RPP40: variants seen among roughly 807,000 people sequenced by gnomAD.
The protein encoded by RPP40 is ribonuclease P/MRP subunit p40.
A neutral mutation model predicts 42.5 loss-of-function variants in RPP40; 30 were observed. That is an observed-to-expected ratio of 0.71 (90% confidence interval 0.53 to 0.96). The LOEUF (loss-of-function observed/expected upper bound fraction) is 0.96. Among genes scored for constraint, RPP40 ranks in the 40% least tolerant of loss-of-function variants. RPP40 has a pLI of 0.00. For missense variants in RPP40, 426 were observed against 433.5 expected, an observed-to-expected ratio of 0.98 and a Z score of 0.15; for synonymous variants, 173 against 164.0, an observed-to-expected ratio of 1.05 and a Z score of -0.42.
At chr6:4,996,133 T>C (rs2127540163) in intron 6 of RPP40, 48 bp from the exon 7 acceptor site, 1 of 1,606,510 alleles carries the variant, frequency 6.2e-7, no homozygotes, top group African/African-American at 1.3e-5. Context: ...TGTATATCCA[T>C]CACATGATCA....
At chr6:4,996,137 A>G in intron 6 of RPP40, 52 bp from the exon 7 acceptor site, 1 of 1,609,282 alleles carries the variant, frequency 6.2e-7, no homozygotes, top group South Asian at 1.1e-5. Flanking sequence ...TATCCATCAC[A>G]TGATCACTTC....
downstream of RPP40, among the ~76,000 whole-genome samples, chr6:4,992,052 A>G (rs1467344358): frequency 3.3e-5 from 5 of 152,332 alleles, no homozygotes; most frequent in Admixed American, 2.0e-4. Flanking sequence ...ACGTGAGCCA[A>G]TTAGGCCAGG....
the RPP40 span, among the ~76,000 whole-genome samples, chr6:4,988,943 C>T: frequency 3.9e-5 from 6 of 152,062 alleles, no homozygotes; most frequent in African/African-American, 9.7e-5. Flanking sequence ...CAGTAATATA[C>T]GGGAGATAAA....
chr6:4,997,444 G>A (rs183300072), intron 5 of RPP40, among the ~76,000 whole-genome samples: 2 of 152,200 alleles, frequency 1.3e-5, no homozygotes, highest in African/African-American at 4.8e-5. Context: ...TGGACTCTGG[G>A]GCTTGCACCA....
At chr6:4,993,320 A>C (rs891570948), downstream of RPP40, among the ~76,000 whole-genome samples, 2 of 152,172 alleles carry the variant, frequency 1.3e-5, no homozygotes, top group Admixed American at 1.3e-4. Context: ...CAACCAGTGG[A>C]ATTTGCAATT....
Position 4,995,215 on chromosome 6 carries a change from C to T in RPP40, c.955G>A (p.Asp319Asn), listed in dbSNP as rs1201665855. ...WVTLSVQGFADSPVSWEKNEH... is the reference protein window; with the variant it reads ...WVTLSVQGFANSPVSWEKNEH... ...TTTTTTTCCCAAGAAACAGGGCTGT[C>T]TGCAAAGCCTTGAACGGACAGTGTA... The change falls in exon 8 of 8, where the codon GAC becomes AAC. Residue 319 changes from aspartate to asparagine, a missense_variant. By Grantham distance (23) the Asp-to-Asn change is conservative. Coordinates refer to ENST00000380051, the MANE Select transcript of RPP40 (RefSeq NM_006638.4). 1.2e-6 allele frequency: 2 copies of T among 1,614,002 alleles called. No individual in the cohort carries two copies. The highest frequency in any genetic ancestry group is 3.3e-5 in the Admixed American group (2 of 59,998).
chr6:4,999,447 C>T (rs867689460), intron 4 of RPP40, among the ~76,000 whole-genome samples: 4 of 151,874 alleles, frequency 2.6e-5, no homozygotes, highest in South Asian at 2.1e-4. Flanking sequence ...TACAGGCATG[C>T]GCCACCACGC....
rs780553257 is a variant in RPP40 at position 4,996,022 on chromosome 6, TG to T, written c.821del (p.Ala274GlufsTer33). ...YCCPEPSTVVAKAYLCTITGF... is the reference protein window; with the variant it reads ...YCCPEPSTVVXKAYLCTITGF... ...CAGTGATTGTACACAAATAAGCTTT[TG>T]CCACCACTGTGCTTGGCTCAGGACA... is the stretch of plus-strand genomic sequence containing the variant. On this transcript the variant is annotated frameshift_variant, in exon 7 of 8. Coordinates refer to ENST00000380051, the MANE Select transcript of RPP40 (RefSeq NM_006638.4). LOFTEE classifies it high-confidence loss of function. The T allele has an allele frequency of 2.5e-6, 4 of 1,614,016 alleles. No homozygotes were observed. The African/African-American group carries it at 5.3e-5, about 22-fold the overall frequency.
intron 1 of RPP40, 135 bp downstream of exon 1, chr6:5,003,745 A>G: frequency 8.5e-7 from 1 of 1,174,004 alleles, no homozygotes. Context: ...TACAACTCCC[A>G]GCAAGCCGGG....
intron 5 of RPP40, among the ~76,000 whole-genome samples, 171 bp from the exon 6 acceptor site, chr6:4,996,591 G>A (rs144434440): frequency 1.3e-5 from 2 of 152,298 alleles, no homozygotes; most frequent in African/African-American, 4.8e-5. Flanking sequence ...AGCTCCTTTT[G>A]CTCAAGTTCT....
chr6:5,003,833 C>A, intron 1 of RPP40, 47 bp downstream of exon 1: 1 of 1,581,052 alleles, frequency 6.3e-7, no homozygotes. Flanking sequence ...CTCTCTCGCA[C>A]GCGGGGACTG....
chr6:4,996,795 A>C (rs1373883562), intron 5 of RPP40, among the ~76,000 whole-genome samples: 1 of 152,234 alleles, frequency 6.6e-6, no homozygotes, highest in Admixed American at 6.5e-5. Context: ...CTATTAAAGA[A>C]AAAGAAGAGA....
At chr6:5,000,890 C>T (rs1227908142) in intron 2 of RPP40, among the ~76,000 whole-genome samples, 1 of 146,746 alleles carries the variant, frequency 6.8e-6, no homozygotes, top group Non-Finnish European at 1.5e-5. Flanking sequence ...TTGCAGAAGA[C>T]CAAGCATGCA....
intron 2 of RPP40, among the ~76,000 whole-genome samples, chr6:5,001,332 G>C (rs1759551759): frequency 6.6e-6 from 1 of 152,188 alleles, no homozygotes; most frequent in African/African-American, 2.4e-5. Context: ...GTGGTGTCAG[G>C]CCTTGAAATA....
chr6:4,989,735 A>G (rs1197324144), downstream of RPP40, among the ~76,000 whole-genome samples: 1 of 152,148 alleles, frequency 6.6e-6, no homozygotes, highest in Non-Finnish European at 1.5e-5. Context: ...TTTTGTTTCA[A>G]TTATCAATTT....
the RPP40 span, among the ~76,000 whole-genome samples, chr6:4,988,957 T>C: frequency 6.6e-6 from 1 of 152,360 alleles, no homozygotes; most frequent in South Asian, 2.1e-4. Context: ...AGATAAAGTT[T>C]TTCAGCATAG....
chr6:4,998,993 A>G (rs1759464260), intron 4 of RPP40, 152 bp from the exon 5 acceptor site: 2 of 498,746 alleles, frequency 4.0e-6, no homozygotes, highest in African/African-American at 4.0e-5. Context: ...TGGTTTGCCA[A>G]ATAAATAAGA....
intron 1 of RPP40, among the ~76,000 whole-genome samples, chr6:5,003,356 A>AAAAAAG (rs1759634808): frequency 2.0e-5 from 3 of 149,568 alleles, no homozygotes. Flanking sequence ...AAAAAAAAAA[A>AAAAAAG]AAAAAAAAAA....
intron 7 of RPP40, 101 bp downstream of exon 7, chr6:4,995,849 AT>A: frequency 8.6e-7 from 1 of 1,164,324 alleles, no homozygotes; most frequent in Admixed American, 2.5e-5. Context: ...TTCAATGTAC[AT>A]TTTATTTATA....
Sources: gnomAD v4.1 joint callset for allele counts (sites outside exome capture counted in the v4.1 genomes callset) on GRCh38, gnomAD v4.1.1 for gene constraint, MANE v1.5 for transcripts, NCBI Gene and HGNC (gene_info 2026-07-23, HGNC 2026-07-21) for gene names.